The following DLGAP2 variants were observed in gnomAD, a reference collection of about 807,000 sequenced individuals.
DLGAP2 encodes disks large-associated protein 2.
In DLGAP2, 26 loss-of-function variants were observed where a neutral mutation model predicts 100.3. The observed-to-expected ratio is 0.26, with a 90% CI of 0.19 to 0.36. The LOEUF is 0.36. Ranked by LOEUF, DLGAP2 falls within the 10% of genes least tolerant of loss-of-function variation. The pLI, the probability that DLGAP2 is intolerant of heterozygous loss-of-function variation, is 1.00. For synonymous variants in DLGAP2, 886 were observed against 630.1 expected, an observed-to-expected ratio of 1.41 and a Z score of -6.08; for missense variants, 1,858 against 1,453.2, an observed-to-expected ratio of 1.28 and a Z score of -4.53.
chr8:1,031,872 C>T (rs1313894292), intron 2 of DLGAP2, among the ~76,000 whole-genome samples: 2 of 152,190 alleles, frequency 1.3e-5, no homozygotes, highest in Non-Finnish European at 2.9e-5. Context: ...ATGAATTCAC[C>T]TGTGGCCACC....
intron 6 of DLGAP2, among the ~76,000 whole-genome samples, chr8:1,588,326 T>C (rs1021175153): frequency 3.9e-5 from 6 of 151,986 alleles, no homozygotes; most frequent in South Asian, 2.1e-4. Context: ...AAGAGTCCAA[T>C]CTGTAAGATC....
At position 1,304,425 on chromosome 8, in the gene DLGAP2, T is replaced by A. The variant is rs1244541265; in HGVS notation, c.106+45542T>A. Among the ~76,000 whole-genome samples the A allele has an allele frequency of 2.0e-5, 3 of 152,258 alleles. No homozygotes were observed. The East Asian group carries it at 5.8e-4, about 30-fold the overall frequency. ...CGTATGCAGAAAGTTGTACATGAGA[T>A]TTTTTAAAAAATGACAACCCACATG... On this transcript the variant is annotated intron_variant, in intron 3 of 14. Coordinates refer to ENST00000637795, the MANE Select transcript of DLGAP2 (RefSeq NM_001346810.2).
intron 2 of DLGAP2, among the ~76,000 whole-genome samples, chr8:946,956 G>A (rs770863118): frequency 3.9e-5 from 6 of 152,174 alleles, no homozygotes; most frequent in Non-Finnish European, 8.8e-5. Flanking sequence ...CGCACCGGGC[G>A]AGGGCTCTGG....
At chr8:875,979 A>G (rs920372718) in intron 1 of DLGAP2, among the ~76,000 whole-genome samples, 1 of 152,228 alleles carries the variant, frequency 6.6e-6, no homozygotes, top group Non-Finnish European at 1.5e-5. Flanking sequence ...TGCAAACGCA[A>G]CAGCACATTG....
chr8:1,122,431 G>C (rs1388819832), intron 2 of DLGAP2, among the ~76,000 whole-genome samples: 1 of 152,188 alleles, frequency 6.6e-6, no homozygotes, highest in Non-Finnish European at 1.5e-5. Context: ...ATTCCTGGGA[G>C]CTCTGTTACT....
chr8:1,390,732 G>C (rs1796331642), intron 3 of DLGAP2, among the ~76,000 whole-genome samples: 1 of 152,178 alleles, frequency 6.6e-6, no homozygotes, highest in African/African-American at 2.4e-5. Flanking sequence ...TTGGCGGAGG[G>C]CTCTGCCTGA....
intron 6 of DLGAP2, among the ~76,000 whole-genome samples, chr8:1,594,949 A>G (rs1042258315): frequency 6.6e-5 from 10 of 152,154 alleles, no homozygotes; most frequent in Non-Finnish European, 7.4e-5. Context: ...CAGCAGGACC[A>G]TCGTGGGGTC....
At chr8:1,265,800 A>T (rs2116918839) in intron 3 of DLGAP2, among the ~76,000 whole-genome samples, 1 of 152,364 alleles carries the variant, frequency 6.6e-6, no homozygotes, top group South Asian at 2.1e-4. Context: ...GAGACAATAA[A>T]GAGAGTGAAT....
intron 2 of DLGAP2, among the ~76,000 whole-genome samples, chr8:1,216,047 G>C (rs1486244450): frequency 6.6e-6 from 1 of 152,236 alleles, no homozygotes; most frequent in African/African-American, 2.4e-5. Context: ...GCTTTCTGGT[G>C]CATCTGTGCA....
chr8:1,597,021 C>T (rs781282962), intron 6 of DLGAP2, among the ~76,000 whole-genome samples: 2 of 152,032 alleles, frequency 1.3e-5, no homozygotes, highest in African/African-American at 2.4e-5. Flanking sequence ...GTCTTTTATC[C>T]ATCTTGAGTT....
chr8:1,292,787 A>G (rs558627265), intron 3 of DLGAP2, among the ~76,000 whole-genome samples: 10 of 149,132 alleles, frequency 6.7e-5, no homozygotes, highest in Admixed American at 6.7e-4. Context: ...CACTCATGTC[A>G]CCCCTCTTCT....
At chr8:1,610,302 G>A (rs914201694) in intron 6 of DLGAP2, among the ~76,000 whole-genome samples, 58 of 152,094 alleles carry the variant, frequency 3.8e-4, no homozygotes, top group Middle Eastern at 3.4e-3. Context: ...GGTACATAAC[G>A]AAATGAAGGC....
intron 2 of DLGAP2, among the ~76,000 whole-genome samples, chr8:953,615 C>A (rs143533859): frequency 7.2e-4 from 110 of 152,328 alleles, no homozygotes; most frequent in African/African-American, 2.5e-3. Flanking sequence ...GAATGTCTGC[C>A]ATGTTGCCAA....
intron 2 of DLGAP2, among the ~76,000 whole-genome samples, chr8:1,241,278 C>T (rs571717451): frequency 3.3e-5 from 5 of 150,904 alleles, no homozygotes; most frequent in East Asian, 2.0e-4. Context: ...CACATGGCTC[C>T]GTGTCTCATT....
At chr8:1,273,243 G>C (rs1264610951) in intron 3 of DLGAP2, among the ~76,000 whole-genome samples, 1 of 152,188 alleles carries the variant, frequency 6.6e-6, no homozygotes, top group African/African-American at 2.4e-5. Flanking sequence ...CTAATATCCA[G>C]TACTTGGGTG....
At chr8:1,090,773 A>G (rs558179886) in intron 2 of DLGAP2, among the ~76,000 whole-genome samples, 13 of 152,282 alleles carry the variant, frequency 8.5e-5, no homozygotes, top group African/African-American at 3.1e-4. Context: ...TGTTGTTGTT[A>G]TTATTATTTA....
intron 3 of DLGAP2, among the ~76,000 whole-genome samples, chr8:1,351,602 G>GA (rs1348405087): frequency 6.2e-4 from 39 of 63,372 alleles, no homozygotes; most frequent in East Asian, 1.1e-3. Flanking sequence ...TGCGCGTCCT[G>GA]CGTGTGGCGT....
chr8:1,438,851 G>T (rs1214162629), intron 3 of DLGAP2, among the ~76,000 whole-genome samples: 1 of 152,174 alleles, frequency 6.6e-6, no homozygotes, highest in African/African-American at 2.4e-5. Context: ...GGTTGGAAGT[G>T]GAATGGGCTG....
At chr8:1,171,421 C>A (rs12676991) in intron 2 of DLGAP2, among the ~76,000 whole-genome samples, 45 of 152,118 alleles carry the variant, frequency 3.0e-4, no homozygotes, top group Admixed American at 5.2e-4. Flanking sequence ...GAGCTGAGTT[C>A]AGTTCCTGGG....
Sources: gnomAD v4.1 joint callset for allele counts (sites outside exome capture counted in the v4.1 genomes callset) on GRCh38, gnomAD v4.1.1 for gene constraint, MANE v1.5 for transcripts, NCBI Gene and HGNC (gene_info 2026-07-23, HGNC 2026-07-21) for gene names.